Variants in LARP1 observed in about 807,000 individuals in gnomAD.
LARP1 encodes the protein la-related protein 1.
Under a neutral mutation model 122.7 loss-of-function variants are expected in LARP1, and 36 were observed. That is an observed-to-expected ratio of 0.29 (90% CI 0.22 to 0.39). LARP1 has a LOEUF of 0.39. LARP1 is among the 10% of genes least tolerant of loss of function. The probability of loss-of-function intolerance (pLI) is 1.00; values close to 1 mark genes in which losing one functional copy is unlikely to be tolerated. For synonymous variants in LARP1, 539 were observed against 528.7 expected (o/e 1.02, Z -0.27); for missense variants, 1,040 against 1,403.6 (o/e 0.74, Z 4.14).
chr5:154,802,291 G>A lies in LARP1; in HGVS notation c.2001G>A (p.Ser667=), dbSNP rs936025999. 6.8e-6 allele frequency: 11 copies of A among 1,614,036 alleles called. No homozygotes were observed. The highest frequency in any genetic ancestry group is 4.0e-5 in the African/African-American group (3 of 74,914). The part of the protein sequence containing the change: ...PGGDRTGNHT[S]RAKMSAELAK... ...GGGACCGCACAGGCAACCACACCTC[G>A]CGTGCCAAGATGAGCGCCGAACTGG... Residue 667 remains serine (S), a synonymous_variant, in exon 11 of 19, where the codon TCG becomes TCA. Transcript: ENST00000518297. This position sits in a 1 kb window ranked among gnomAD's most constrained non-coding sequence, Gnocchi z 5.1.
At chr5:154,797,485 G>A (rs1234811669) in intron 8 of LARP1, among the ~76,000 whole-genome samples, 2 of 151,734 alleles carry the variant, frequency 1.3e-5, no homozygotes, top group South Asian at 2.1e-4. Flanking sequence ...CACCCACCTC[G>A]GCCTCCCAAA....
At chr5:154,700,303 T>A (rs1348058769) in intron 1 of LARP1, among the ~76,000 whole-genome samples, 2 of 152,210 alleles carry the variant, frequency 1.3e-5, no homozygotes, top group Admixed American at 1.3e-4. Context: ...TGCACTATTA[T>A]TCACCCTGCC....
intron 1 of LARP1, among the ~76,000 whole-genome samples, chr5:154,698,647 ACT>A (rs372094366): frequency 1.5e-3 from 236 of 152,272 alleles, no homozygotes; most frequent in African/African-American, 5.6e-3. Context: ...CAGTTGCACA[ACT>A]CTGTTAATAT....
chr5:154,816,967 AG>A lies in LARP1; in HGVS notation c.*2872del, dbSNP rs1342117576. The A allele has an allele frequency of 2.0e-5, 3 of 150,924 alleles. No homozygotes were observed. The highest frequency in any genetic ancestry group is 4.9e-5 in the African/African-American group (2 of 41,054). 9.3% of individuals were successfully genotyped at this position (150,924 alleles called of 1,614,324 possible). A position where few individuals can be genotyped will look rare whatever the true frequency, so the allele number is the denominator to read the frequency against. Reference sequence around the variant, plus strand: ...CCCTGGGGCTCAGATAGAGGTGCTGAGCCCCTGTGTCAAAGTTGTTAAATGT... The same window carrying A: ...CCCTGGGGCTCAGATAGAGGTGCTGACCCCTGTGTCAAAGTTGTTAAATGT... On this transcript the variant is annotated 3_prime_UTR_variant, in exon 19 of 19. Coordinates refer to ENST00000518297, the MANE Select transcript of LARP1 (RefSeq NM_033551.3).
rs1412687890 is a variant in LARP1 at position 154,795,725 on chromosome 5, CATT to C, written c.1377+409_1377+411del. On this transcript the variant is annotated intron_variant, in intron 8 of 18. Transcript: ENST00000518297. ...TGTTAAAAGAAAATAGCCACAGTAT[CATT>C]ATCATACCTAAATTAACAGTTTAAC... Among the ~76,000 whole-genome samples the C allele has an allele frequency of 4.0e-5, 6 of 149,432 alleles. No individual in the cohort carries two copies. The East Asian group carries it at 5.8e-4, about 15-fold the overall frequency.
chr5:154,756,802 G>C (rs1177748605), intron 1 of LARP1, among the ~76,000 whole-genome samples: 1 of 152,118 alleles, frequency 6.6e-6, no homozygotes, highest in Non-Finnish European at 1.5e-5. Flanking sequence ...GAAACCCATC[G>C]TGTCATCGAA....
intron 1 of LARP1, among the ~76,000 whole-genome samples, chr5:154,721,996 T>G (rs1327226621): frequency 3.9e-5 from 6 of 152,182 alleles, no homozygotes; most frequent in African/African-American, 1.4e-4. Context: ...AAATATCTCC[T>G]CTTCACTGTT....
At chr5:154,694,266 A>G (rs1043900371) in intron 1 of LARP1, among the ~76,000 whole-genome samples, 1 of 152,050 alleles carries the variant, frequency 6.6e-6, no homozygotes, top group Non-Finnish European at 1.5e-5. Flanking sequence ...ATATTTATTT[A>G]TTTATTTTGA....
chr5:154,804,749 CCA>C (rs1489286447), intron 14 of LARP1: 5 of 456,072 alleles, frequency 1.1e-5, no homozygotes, highest in Non-Finnish European at 2.2e-5. Context: ...GGGGTAGGGC[CCA>C]CACTCTTTTT....
At chr5:154,771,957 C>T (rs910811094) in intron 1 of LARP1, among the ~76,000 whole-genome samples, 14 of 152,150 alleles carry the variant, frequency 9.2e-5, no homozygotes, top group Admixed American at 1.3e-4. Context: ...TAACTTCTTT[C>T]GAAGGGGAAA....
intron 1 of LARP1, among the ~76,000 whole-genome samples, chr5:154,715,995 G>T (rs970991375): frequency 6.6e-6 from 1 of 152,110 alleles, no homozygotes; most frequent in Non-Finnish European, 1.5e-5. Context: ...GCAGAACTCC[G>T]AATCAGGTCT....
At chr5:154,755,134 A>T (rs1278894118), upstream of LARP1, among the ~76,000 whole-genome samples, 4 of 148,894 alleles carry the variant, frequency 2.7e-5, no homozygotes, top group Non-Finnish European at 6.0e-5. Context: ...GAGCGTCCCT[A>T]CCCCCAGCCC....
chr5:154,798,567 G>A (rs944772703), intron 8 of LARP1, among the ~76,000 whole-genome samples: 2 of 152,112 alleles, frequency 1.3e-5, no homozygotes, highest in African/African-American at 4.8e-5. Context: ...TTTTGCCCAG[G>A]CTGGAGTTAG....
At chr5:154,799,009 G>T (rs1289357012) in intron 8 of LARP1, among the ~76,000 whole-genome samples, 1 of 152,162 alleles carries the variant, frequency 6.6e-6, no homozygotes, top group South Asian at 2.1e-4. Context: ...GACTATAGGC[G>T]TGTGCCACCA....
intron 1 of LARP1, among the ~76,000 whole-genome samples, chr5:154,775,634 C>G (rs2113687616): frequency 6.6e-6 from 1 of 152,286 alleles, no homozygotes; most frequent in Middle Eastern, 3.4e-3. Flanking sequence ...CACATCATTC[C>G]CTTTTCTGAG....
At chr5:154,787,117 GA>G (rs376227679) in intron 1 of LARP1, among the ~76,000 whole-genome samples, 268 of 152,278 alleles carry the variant, frequency 1.8e-3, no homozygotes, top group African/African-American at 5.9e-3. Flanking sequence ...AACCTCAGGT[GA>G]TCCACCCACC....
chr5:154,710,972 C>T (rs373801840), upstream of LARP1, among the ~76,000 whole-genome samples: 18 of 151,882 alleles, frequency 1.2e-4, no homozygotes, highest in Admixed American at 9.9e-4. Flanking sequence ...AACAGGCAGC[C>T]CTTTTTAAAA....
At chr5:154,738,888 C>T (rs934648456) in intron 1 of LARP1, among the ~76,000 whole-genome samples, 4 of 152,120 alleles carry the variant, frequency 2.6e-5, no homozygotes, top group Admixed American at 2.0e-4. Context: ...TGCCACTGCA[C>T]TCCAGCCTGG....
intron 1 of LARP1, among the ~76,000 whole-genome samples, chr5:154,783,790 C>T (rs1354497159): frequency 1.3e-5 from 2 of 152,120 alleles, no homozygotes; most frequent in Admixed American, 1.3e-4. Flanking sequence ...ACGTGTAATT[C>T]GTGCATCTGC....
Sources: allele counts gnomAD v4.1 joint callset (sites outside exome capture counted in the v4.1 genomes callset), GRCh38; gene constraint gnomAD v4.1.1; non-coding constraint Gnocchi (gnomAD v3.1); transcripts MANE v1.5; gene names NCBI Gene and HGNC (gene_info 2026-07-23, HGNC 2026-07-21).